Variants in MAGI1 observed in about 807,000 individuals in gnomAD.
The protein encoded by MAGI1 is membrane associated guanylate kinase, WW and PDZ domain containing 1.
Under a neutral mutation model 139.9 loss-of-function variants are expected in MAGI1, and 58 were observed. That is an observed-to-expected ratio of 0.41 (90% CI 0.34 to 0.52). The LOEUF is 0.52. Ranked by LOEUF, MAGI1 falls within the 20% of genes least tolerant of loss-of-function variation. The pLI is 0.12. For missense variants in MAGI1, 1,874 were observed against 1,901.6 expected, an observed-to-expected ratio of 0.99 and a Z score of 0.27; for synonymous variants, 812 against 737.9, an observed-to-expected ratio of 1.10 and a Z score of -1.63.
intron 2 of MAGI1, among the ~76,000 whole-genome samples, chr3:65,578,154 G>A (rs910478556): frequency 6.6e-6 from 1 of 152,070 alleles, no homozygotes; most frequent in Admixed American, 6.6e-5. Flanking sequence ...AGGCGACTCT[G>A]GCAACCAGGC....
chr3:65,957,602 A>C (rs576752748), intron 1 of MAGI1, among the ~76,000 whole-genome samples: 4 of 151,916 alleles, frequency 2.6e-5, no homozygotes, highest in African/African-American at 9.7e-5. Context: ...TACAATGTTG[A>C]GGAAATGAAG....
At chr3:65,438,451 A>C (rs1470521923) in intron 9 of MAGI1, among the ~76,000 whole-genome samples, 1 of 152,240 alleles carries the variant, frequency 6.6e-6, no homozygotes, top group Admixed American at 6.5e-5. Flanking sequence ...GGTTACACTA[A>C]AAGTCCACAC....
intron 3 of MAGI1, among the ~76,000 whole-genome samples, 182 bp downstream of exon 3, chr3:65,493,330 A>G (rs566289975): frequency 6.6e-6 from 1 of 152,366 alleles, no homozygotes; most frequent in South Asian, 2.1e-4. Flanking sequence ...ACTATTTTTA[A>G]AGAACTCCAC....
intron 1 of MAGI1, among the ~76,000 whole-genome samples, chr3:65,693,397 CT>C (rs2088852628): frequency 6.6e-6 from 1 of 152,186 alleles, no homozygotes; most frequent in African/African-American, 2.4e-5. Context: ...GACTTGGACC[CT>C]TGTCCACAGT....
chr3:66,003,304 T>C (rs1184010297), intron 1 of MAGI1, among the ~76,000 whole-genome samples: 1 of 152,098 alleles, frequency 6.6e-6, no homozygotes, highest in Admixed American at 6.5e-5. Flanking sequence ...CCACAGCAAC[T>C]GCAATTCAGC....
intron 2 of MAGI1, among the ~76,000 whole-genome samples, chr3:65,552,710 T>C (rs1159313469): frequency 6.6e-6 from 1 of 152,190 alleles, no homozygotes; most frequent in African/African-American, 2.4e-5. Context: ...TATGAATTAC[T>C]TACTTCGGGA....
chr3:65,889,782 G>T (rs965800344), intron 1 of MAGI1, among the ~76,000 whole-genome samples: 1 of 152,130 alleles, frequency 6.6e-6, no homozygotes, highest in African/African-American at 2.4e-5. Flanking sequence ...GGCATGGGGG[G>T]TTGTCAGGTA....
chr3:65,658,644 A>G (rs1217160003), intron 1 of MAGI1, among the ~76,000 whole-genome samples: 1 of 152,186 alleles, frequency 6.6e-6, no homozygotes, highest in East Asian at 1.9e-4. Context: ...AGGTGATGCT[A>G]ATGCTGTTGG....
intron 1 of MAGI1, among the ~76,000 whole-genome samples, chr3:65,900,586 T>C (rs73835416): frequency 0.013 from 1,922 of 152,280 alleles, 37 homozygotes; most frequent in African/African-American, 0.044. Context: ...TTTGATGAAC[T>C]TGAAATTGGC....
intron 12 of MAGI1, among the ~76,000 whole-genome samples, chr3:65,407,691 CCA>C (rs1048453042): frequency 1.5e-4 from 23 of 151,988 alleles, no homozygotes; most frequent in Admixed American, 1.2e-3. Context: ...CATCATATAC[CCA>C]AAGACTAAAG....
chr3:65,742,689 C>T (rs971430664), intron 1 of MAGI1, among the ~76,000 whole-genome samples: 1 of 152,250 alleles, frequency 6.6e-6, no homozygotes, highest in South Asian at 2.1e-4. Flanking sequence ...ACTTCATGCG[C>T]TCTCAACCTT....
intron 1 of MAGI1, among the ~76,000 whole-genome samples, chr3:65,998,388 G>A (rs193287137): frequency 2.0e-5 from 3 of 152,212 alleles, no homozygotes; most frequent in African/African-American, 7.2e-5. Flanking sequence ...TAGCTTTTTC[G>A]TGCCAAGAAA....
chr3:65,719,674 T>C (rs1440578752), intron 1 of MAGI1, among the ~76,000 whole-genome samples: 1 of 151,992 alleles, frequency 6.6e-6, no homozygotes, highest in Non-Finnish European at 1.5e-5. Flanking sequence ...GCCTCCCAAG[T>C]ACCTGGGACC....
At chr3:65,518,921 T>C (rs2078025363) in intron 2 of MAGI1, among the ~76,000 whole-genome samples, 1 of 152,078 alleles carries the variant, frequency 6.6e-6, no homozygotes, top group African/African-American at 2.4e-5. Flanking sequence ...AAATTTTCAA[T>C]GGTAGAAGTA....
intron 2 of MAGI1, among the ~76,000 whole-genome samples, chr3:65,567,720 T>C (rs1347426327): frequency 6.6e-6 from 1 of 151,924 alleles, no homozygotes; most frequent in Non-Finnish European, 1.5e-5. Context: ...CTTGTAATCC[T>C]AGCTACTTGG....
intron 1 of MAGI1, among the ~76,000 whole-genome samples, chr3:66,025,989 T>C (rs919663737): frequency 1.3e-5 from 2 of 152,132 alleles, no homozygotes; most frequent in African/African-American, 2.4e-5. Context: ...CCTACGCTTT[T>C]TATAAAATAA....
At chr3:65,998,295 A>G (rs1256780029) in intron 1 of MAGI1, among the ~76,000 whole-genome samples, 2 of 152,168 alleles carry the variant, frequency 1.3e-5, no homozygotes, top group Non-Finnish European at 2.9e-5. Context: ...CACATACAGC[A>G]CAGTTTCCCA....
chr3:65,975,723 A>C (rs765968620), intron 1 of MAGI1, among the ~76,000 whole-genome samples: 1 of 152,178 alleles, frequency 6.6e-6, no homozygotes, highest in Non-Finnish European at 1.5e-5. Flanking sequence ...ATTTCTCTCT[A>C]GTTTTTCCTT....
intron 1 of MAGI1, among the ~76,000 whole-genome samples, chr3:65,792,927 G>A (rs2039887026): frequency 6.6e-6 from 1 of 152,146 alleles, no homozygotes; most frequent in African/African-American, 2.4e-5. Context: ...CAAGGTAAGA[G>A]CCTGGTTTTT....
Sources: gnomAD v4.1 joint callset for allele counts (sites outside exome capture counted in the v4.1 genomes callset) on GRCh38, gnomAD v4.1.1 for gene constraint, MANE v1.5 for transcripts, NCBI Gene and HGNC (gene_info 2026-07-23, HGNC 2026-07-21) for gene names.